Variants in ADAMTSL1 observed in about 807,000 individuals in gnomAD.
ADAMTSL1 encodes the protein ADAMTS like 1.
In ADAMTSL1, 126 loss-of-function variants were observed where a neutral mutation model predicts 201.8. The observed-to-expected ratio is 0.62, with a 90% confidence interval of 0.54 to 0.72. The LOEUF (loss-of-function observed/expected upper bound fraction) is 0.72, where lower values mean the gene tolerates loss of function less well. ADAMTSL1 is among the 30% of genes least tolerant of loss of function. The pLI, the probability that ADAMTSL1 is intolerant of heterozygous loss-of-function variation, is 0.00. For missense variants in ADAMTSL1, 2,679 were observed against 2,277.8 expected (o/e 1.18, Z -3.59); for synonymous variants, 1,121 against 903.4 (o/e 1.24, Z -4.32).
intron 1 of ADAMTSL1, among the ~76,000 whole-genome samples, chr9:18,102,420 T>A (rs1202918842): frequency 6.6e-6 from 1 of 152,220 alleles, no homozygotes; most frequent in Non-Finnish European, 1.5e-5. Context: ...TCTTATCTTA[T>A]GAATTATATA....
chr9:18,550,285 G>A (rs1413028056), intron 3 of ADAMTSL1, among the ~76,000 whole-genome samples: 1 of 151,870 alleles, frequency 6.6e-6, no homozygotes, highest in African/African-American at 2.4e-5. Flanking sequence ...TCTTAAGGTT[G>A]CAGGAAGTAT....
At chr9:18,179,639 C>A (rs934806814) in intron 2 of ADAMTSL1, among the ~76,000 whole-genome samples, 1 of 152,142 alleles carries the variant, frequency 6.6e-6, no homozygotes, top group African/African-American at 2.4e-5. Flanking sequence ...AGGTGGGTTA[C>A]CCTCAAAGGG....
chr9:18,444,785 A>G (rs369865659), intron 2 of ADAMTSL1, among the ~76,000 whole-genome samples: 2 of 152,172 alleles, frequency 1.3e-5, no homozygotes, highest in Non-Finnish European at 2.9e-5. Flanking sequence ...GTTCAAGTGC[A>G]GAAATGCCAT....
In ADAMTSL1 at chr9:18,016,374, C is replaced by A. The variant is rs368225322; in HGVS notation, c.87+109452C>A. Among the ~76,000 whole-genome samples, 217 of 152,068 alleles carry A rather than the reference C, an allele frequency of 1.4e-3. 6 individuals are homozygous for A. In the South Asian group the frequency reaches 0.044, roughly 31 times the overall value. On this transcript the variant is annotated intron_variant, in intron 1 of 29. Transcript: ENST00000680146. ...TTGATGTCAGTAAACATAGATAATTCTTGTCATAGTTTCTAGTATCGGTTG... is the reference window on the plus strand; with the variant it reads ...TTGATGTCAGTAAACATAGATAATTATTGTCATAGTTTCTAGTATCGGTTG...
chr9:18,873,651 G>C (rs181813853), intron 23 of ADAMTSL1, among the ~76,000 whole-genome samples: 67 of 152,190 alleles, frequency 4.4e-4, no homozygotes, highest in African/African-American at 1.2e-3. Context: ...CTGTTCCATT[G>C]GTCTTTTTAT....
At chr9:18,356,566 G>C (rs1836243971) in intron 2 of ADAMTSL1, among the ~76,000 whole-genome samples, 1 of 136,314 alleles carries the variant, frequency 7.3e-6, no homozygotes, top group Non-Finnish European at 1.6e-5. Flanking sequence ...ATCATCTGCA[G>C]CCTAAAAAAT....
At chr9:18,403,338 C>T (rs1457624312) in intron 2 of ADAMTSL1, among the ~76,000 whole-genome samples, 1 of 151,892 alleles carries the variant, frequency 6.6e-6, no homozygotes, top group Non-Finnish European at 1.5e-5. Flanking sequence ...CACACACCAC[C>T]ATGCCCAGCT....
chr9:18,303,571 A>C (rs2132742584), intron 2 of ADAMTSL1, among the ~76,000 whole-genome samples: 1 of 152,332 alleles, frequency 6.6e-6, no homozygotes, highest in African/African-American at 2.4e-5. Flanking sequence ...TTCATGTTTA[A>C]GCAGCTCTCC....
Position 18,053,082 on chromosome 9 carries a change from A to G in ADAMTSL1, c.88-110780A>G, listed in dbSNP as rs188431792. The stretch of plus-strand genomic sequence containing the variant: ...GTCAAAATCAAAATCCATAAAGCTA[A>G]AGGAACACACCAAGTGTGGAGTTCT... On this transcript the variant is annotated intron_variant, in intron 1 of 29. Coordinates refer to the ADAMTSL1 transcript ENST00000680146. Among the ~76,000 whole-genome samples the G allele has an allele frequency of 2.9e-3, 448 of 152,318 alleles. 2 individuals are homozygous for G. Among genetic ancestry groups the G allele is most frequent in the African/African-American group, 0.01 (432 of 41,568 alleles).
intron 2 of ADAMTSL1, among the ~76,000 whole-genome samples, chr9:18,192,837 G>A (rs1829022829): frequency 6.6e-6 from 1 of 152,076 alleles, no homozygotes. Context: ...ATTCCTAGTA[G>A]GTTTTATTTA....
intron 3 of ADAMTSL1, among the ~76,000 whole-genome samples, chr9:18,537,772 G>T (rs1284299312): frequency 6.6e-6 from 1 of 151,876 alleles, no homozygotes; most frequent in African/African-American, 2.4e-5. Flanking sequence ...TACTAGAGAG[G>T]CTGAGGCGGG....
intron 1 of ADAMTSL1, among the ~76,000 whole-genome samples, chr9:17,933,084 A>T (rs1175793498): frequency 6.6e-6 from 1 of 152,160 alleles, no homozygotes; most frequent in East Asian, 1.9e-4. Context: ...ATAAATTGCC[A>T]CAAATCAAGT....
chr9:18,418,085 G>A (rs944938672), intron 2 of ADAMTSL1, among the ~76,000 whole-genome samples: 8 of 152,298 alleles, frequency 5.3e-5, no homozygotes, highest in Admixed American at 5.2e-4. Flanking sequence ...ACTTGATAGT[G>A]TAAAGAAGAA....
At chr9:18,194,439 C>A (rs967306935) in intron 2 of ADAMTSL1, among the ~76,000 whole-genome samples, 1 of 151,974 alleles carries the variant, frequency 6.6e-6, no homozygotes, top group East Asian at 1.9e-4. Context: ...CTCTCTGACC[C>A]CTGTATCTCA....
chr9:17,946,143 A>G (rs922234692), intron 1 of ADAMTSL1, among the ~76,000 whole-genome samples: 7 of 148,906 alleles, frequency 4.7e-5, no homozygotes, highest in African/African-American at 1.7e-4. Flanking sequence ...AGCATCTCTC[A>G]TGACCACCAT....
At chr9:18,590,081 G>A (rs564679452) in intron 4 of ADAMTSL1, among the ~76,000 whole-genome samples, 1 of 152,086 alleles carries the variant, frequency 6.6e-6, no homozygotes, top group East Asian at 1.9e-4. Context: ...GGCCTCATTG[G>A]ATAAGTTTGA....
intron 23 of ADAMTSL1, among the ~76,000 whole-genome samples, chr9:18,883,303 A>G (rs2209778): frequency 0.093 from 14,083 of 152,188 alleles, 799 homozygotes; most frequent in East Asian, 0.23. Context: ...TCTTGGGATC[A>G]TCAGGCCAGT....
chr9:18,630,487 TCTAA>T, intron 5 of ADAMTSL1, among the ~76,000 whole-genome samples: 1 of 152,276 alleles, frequency 6.6e-6, no homozygotes, highest in African/African-American at 2.4e-5. Context: ...TCCCAGAAAT[TCTAA>T]CTGTTTTTGT....
intron 6 of ADAMTSL1, among the ~76,000 whole-genome samples, chr9:18,638,596 G>A (rs150759604): frequency 7.2e-5 from 11 of 152,160 alleles, no homozygotes; most frequent in Non-Finnish European, 1.6e-4. Flanking sequence ...GGATTTGAAT[G>A]CTCCAGAAAT....
Sources: gnomAD v4.1 joint callset for allele counts (sites outside exome capture counted in the v4.1 genomes callset) on GRCh38, gnomAD v4.1.1 for gene constraint, MANE v1.5 for transcripts, NCBI Gene and HGNC (gene_info 2026-07-23, HGNC 2026-07-21) for gene names.